Variants in MOK observed in about 807,000 individuals in gnomAD.
MOK encodes MAPK/MAK/MRK overlapping kinase.
A neutral mutation model predicts 54.2 loss-of-function variants in MOK; 59 were observed. The observed-to-expected ratio is 1.09, with a 90% confidence interval of 0.88 to 1.35. The LOEUF (loss-of-function observed/expected upper bound fraction) is 1.35. MOK is among the 40% of genes most tolerant of loss of function. The probability of loss-of-function intolerance (pLI) is 0.00; values close to 1 mark genes in which losing one functional copy is unlikely to be tolerated. For missense variants in MOK, 517 were observed against 526.2 expected (o/e 0.98, Z 0.17); for synonymous variants, 210 against 202.7 (o/e 1.04, Z -0.31).
intron 1 of MOK, among the ~76,000 whole-genome samples, chr14:102,299,581 CT>C (rs2071920608): frequency 1.3e-5 from 2 of 152,010 alleles, no homozygotes; most frequent in Non-Finnish European, 2.9e-5. Flanking sequence ...TGTAACTTCT[CT>C]GGGTTTTTGT....
At position 102,234,043 on chromosome 14, in the gene MOK, A is replaced by G. The variant is rs1282450627; in HGVS notation, c.591-254T>C. ...GAACTCCCTCAAACTCCCTTCCCCAATATAAACCCCTCAATCTGTAAGCTT... is the reference window on the plus strand; with the variant it reads ...GAACTCCCTCAAACTCCCTTCCCCAGTATAAACCCCTCAATCTGTAAGCTT... On this transcript the variant is annotated intron_variant, in intron 7 of 11. Coordinates refer to ENST00000361847, the MANE Select transcript of MOK (RefSeq NM_014226.3). The G allele has an allele frequency of 2.8e-5, 11 of 391,234 alleles. No homozygotes were observed. In the Admixed American group the frequency reaches 3.4e-4, roughly 12 times the overall value. 24.2% of individuals were successfully genotyped at this position (391,234 alleles called of 1,614,324 possible). A position where few individuals can be genotyped will look rare whatever the true frequency, so the allele number is the denominator to read the frequency against.
intron 1 of MOK, among the ~76,000 whole-genome samples, chr14:102,291,925 T>A (rs1343017883): frequency 6.6e-6 from 1 of 150,870 alleles, no homozygotes; most frequent in Non-Finnish European, 1.5e-5. Context: ...GCCACTGTAC[T>A]GAAGCCTGGG....
chr14:102,262,137 AG>A (rs555540436), intron 4 of MOK, among the ~76,000 whole-genome samples: 134 of 149,270 alleles, frequency 9.0e-4, no homozygotes, highest in African/African-American at 3.1e-3. Flanking sequence ...CACCGCGCCC[AG>A]CCCCTGGCCT....
chr14:102,215,483 T>C, the MOK span, among the ~76,000 whole-genome samples: 1,758 of 152,298 alleles, frequency 0.012, 37 homozygotes, highest in African/African-American at 0.04. Flanking sequence ...CTGTAAGTTC[T>C]GGGATATATG....
At chr14:102,219,805 G>A (rs577968884), downstream of MOK, among the ~76,000 whole-genome samples, 11 of 152,350 alleles carry the variant, frequency 7.2e-5, no homozygotes, top group African/African-American at 2.2e-4. Context: ...GCCTGCTAAC[G>A]GGAACCCCCA....
chr14:102,260,321 G>T (rs2067284662), intron 4 of MOK, among the ~76,000 whole-genome samples: 1 of 152,096 alleles, frequency 6.6e-6, no homozygotes. Context: ...ACTCCAGCCT[G>T]GCGACAGAGT....
intron 2 of MOK, among the ~76,000 whole-genome samples, chr14:102,272,451 T>G (rs1204430115): frequency 6.6e-6 from 1 of 151,756 alleles, no homozygotes; most frequent in Non-Finnish European, 1.5e-5. Context: ...CACTCCAGCC[T>G]GTGCAACACA....
At chr14:102,264,802 A>C (rs1478812412) in intron 3 of MOK, among the ~76,000 whole-genome samples, 1 of 152,210 alleles carries the variant, frequency 6.6e-6, no homozygotes, top group Non-Finnish European at 1.5e-5. Context: ...GTTTAACTGG[A>C]GTTCCTTGGC....
intron 1 of MOK, among the ~76,000 whole-genome samples, chr14:102,284,506 C>T (rs528454624): frequency 6.6e-6 from 1 of 152,050 alleles, no homozygotes; most frequent in East Asian, 1.9e-4. Flanking sequence ...AATGGCTATA[C>T]CACTTTTCAA....
intron 1 of MOK, 81 bp from the exon 2 acceptor site, chr14:102,283,673 C>A: frequency 1.2e-6 from 1 of 826,682 alleles, no homozygotes. Flanking sequence ...AACTTTTAAT[C>A]TATAAGATAA....
chr14:102,248,376 C>T (rs772555288), intron 7 of MOK, among the ~76,000 whole-genome samples: 5 of 151,902 alleles, frequency 3.3e-5, no homozygotes, highest in South Asian at 2.1e-4. Flanking sequence ...AGCAGGAGGT[C>T]GTGGGAAGCA....
the MOK span, among the ~76,000 whole-genome samples, chr14:102,217,600 T>TCCCTGGGCTGGG: frequency 0.046 from 6,982 of 152,172 alleles, 182 homozygotes; most frequent in Middle Eastern, 0.068. Context: ...GGTCCCGACG[T>TCCCTGGGCTGGG]CCCTGGGCTG....
chr14:102,254,110 G>C (rs555833759), intron 4 of MOK, among the ~76,000 whole-genome samples: 2 of 151,726 alleles, frequency 1.3e-5, no homozygotes, highest in Middle Eastern at 3.2e-3. Context: ...TCAGCCTCTC[G>C]AGTAGTTGGA....
In MOK at chr14:102,232,558, C is replaced by T. The variant is rs2153084630; in HGVS notation, c.843G>A (p.Gln281=). 1.2e-6 allele frequency: 2 copies of T among 1,613,798 alleles called. No individual in the cohort carries two copies. Among genetic ancestry groups the T allele is most frequent in the East Asian group, 2.2e-5 (1 of 44,874 alleles). Residue 281 remains glutamine, a synonymous_variant, in exon 9 of 12, where the codon CAG becomes CAA. Transcript: ENST00000361847. This position sits in a 1 kb window ranked among gnomAD's most constrained non-coding sequence, Gnocchi z 5.1. The part of the protein sequence containing the change: ...DERIAAHQAL[Q]HPYFQEQRKT... ...ACCTCTGTTCTTGGAAGTAGGGGTG[C>T]TGCAGGGCCTGGTGGGCGGCGATTC...
At position 102,231,704 on chromosome 14, in the gene MOK, T is replaced by A. The variant is rs1165936952; in HGVS notation, c.981+3A>T. On this transcript the variant is annotated splice_donor_region_variant and intron_variant, in intron 10 of 11. Transcript: ENST00000361847. This position sits in a 1 kb window ranked among gnomAD's most constrained non-coding sequence, Gnocchi z 4.4. ...AGTCTCCGGCTCCGATTTCGCTTAG[T>A]ACCTGCTTTCTGCCCTCCTTGGAAA... 1.9e-6 allele frequency: 3 copies of A among 1,610,616 alleles called. No individual in the cohort carries two copies. Among genetic ancestry groups the A allele is most frequent in the Non-Finnish European group, 2.5e-6 (3 of 1,178,502 alleles).
chr14:102,289,544 TG>T (rs2070519250), intron 1 of MOK, among the ~76,000 whole-genome samples: 1 of 152,228 alleles, frequency 6.6e-6, no homozygotes, highest in Non-Finnish European at 1.5e-5. Context: ...CTCACTGTGT[TG>T]CCCAAGTGAT....
intron 2 of MOK, among the ~76,000 whole-genome samples, chr14:102,272,949 A>G (rs1396576932): frequency 1.3e-5 from 2 of 152,196 alleles, no homozygotes; most frequent in Admixed American, 1.3e-4. Context: ...AGGTGGGCAG[A>G]TCACAAAGTC....
chr14:102,265,893 GGTT>G lies in MOK; in HGVS notation c.139_141del (p.Asn47del), dbSNP rs769745583. 1 of 1,613,754 alleles carries G rather than the reference GGTT, an allele frequency of 6.2e-7. No individual in the cohort carries two copies. The highest frequency in any genetic ancestry group is 1.7e-5 in the Admixed American group (1 of 60,014). On this transcript the variant is annotated inframe_deletion, in exon 3 of 12. Coordinates refer to ENST00000361847, the MANE Select transcript of MOK (RefSeq NM_014226.3). ...CGCCTCAGTGCTTGGATCTCTCGTA[GGTT>G]GTTGACTTGCTCAATACTATCGTGT... is the stretch of plus-strand genomic sequence containing the variant.
intron 6 of MOK, chr14:102,251,439 C>T (rs761080479): frequency 2.0e-5 from 9 of 450,014 alleles, no homozygotes; most frequent in East Asian, 5.6e-5. Context: ...GGGAGTGAGA[C>T]GGACCTGAGC....
Sources: allele counts gnomAD v4.1 joint callset (sites outside exome capture counted in the v4.1 genomes callset), GRCh38; gene constraint gnomAD v4.1.1; non-coding constraint Gnocchi (gnomAD v3.1); transcripts MANE v1.5; gene names NCBI Gene and HGNC (gene_info 2026-07-23, HGNC 2026-07-21).